PDE4B: variants seen among roughly 807,000 people sequenced by gnomAD.
The protein encoded by PDE4B is phosphodiesterase 4B, also known as 3',5'-cyclic-AMP phosphodiesterase 4B.
PDE4B carries 20 observed loss-of-function variants against 82.2 expected under a neutral mutation model. The observed-to-expected ratio is 0.24, with a 90% CI of 0.17 to 0.35. PDE4B has a LOEUF of 0.35. Ranked by LOEUF, PDE4B falls within the 10% of genes least tolerant of loss-of-function variation. The pLI is 1.00. For missense variants in PDE4B, 655 were observed against 907.2 expected, an observed-to-expected ratio of 0.72 and a Z score of 3.57; for synonymous variants, 320 against 318.9, an observed-to-expected ratio of 1.00 and a Z score of -0.04.
intron 15 of PDE4B, among the ~76,000 whole-genome samples, 182 bp from the exon 16 acceptor site, chr1:66,368,605 T>C (rs1388008464): frequency 6.6e-6 from 1 of 152,224 alleles, no homozygotes; most frequent in Non-Finnish European, 1.5e-5. Flanking sequence ...TCTATAAAAG[T>C]AAATAACTGA....
At chr1:66,304,747 G>C (rs1465959410) in intron 7 of PDE4B, among the ~76,000 whole-genome samples, 2 of 152,084 alleles carry the variant, frequency 1.3e-5, no homozygotes, top group African/African-American at 4.8e-5. Flanking sequence ...GGGACATACA[G>C]GGTTGGAAAA....
At chr1:66,273,662 C>T (rs966330845) in intron 7 of PDE4B, among the ~76,000 whole-genome samples, 3 of 152,244 alleles carry the variant, frequency 2.0e-5, no homozygotes, top group Admixed American at 6.5e-5. Flanking sequence ...AAAAGCATCC[C>T]AAGTTCAAAT....
intron 3 of PDE4B, chr1:65,992,894 C>A: frequency 1.2e-6 from 2 of 1,611,412 alleles, no homozygotes; most frequent in Non-Finnish European, 1.7e-6. Context: ...AAAGCTAGCA[C>A]TCCTTACAAG....
At chr1:66,320,668 G>A (rs1368991066) in intron 7 of PDE4B, among the ~76,000 whole-genome samples, 1 of 152,124 alleles carries the variant, frequency 6.6e-6, no homozygotes. Context: ...CTAGGTAATA[G>A]ATGCTTGATG....
intron 3 of PDE4B, among the ~76,000 whole-genome samples, chr1:66,199,180 C>A (rs1004913282): frequency 1.3e-5 from 2 of 151,670 alleles, no homozygotes; most frequent in Non-Finnish European, 2.9e-5. Flanking sequence ...CCTGAGGAAT[C>A]GCCACACTGA....
At position 66,372,295 on chromosome 1, in the gene PDE4B, C is replaced by T; in HGVS notation, c.1846-18C>T. ...AGCACCATCACAATAACAGATGTGTCATCTTATTTTTCTCCAGGTTGGTTT... is the reference window on the plus strand; with the variant it reads ...AGCACCATCACAATAACAGATGTGTTATCTTATTTTTCTCCAGGTTGGTTT... On this transcript the variant is annotated intron_variant, in intron 16 of 16. Coordinates refer to ENST00000341517, the MANE Select transcript of PDE4B (RefSeq NM_002600.4). 6.3e-7 allele frequency: 1 copy of T among 1,585,488 alleles called. No homozygotes were observed. Among genetic ancestry groups the T allele is most frequent in the Non-Finnish European group, 8.6e-7 (1 of 1,163,504 alleles).
intron 3 of PDE4B, among the ~76,000 whole-genome samples, chr1:66,030,887 C>T (rs1444704675): frequency 1.3e-5 from 2 of 152,166 alleles, no homozygotes; most frequent in African/African-American, 2.4e-5. Flanking sequence ...CATGTTCTCA[C>T]TTATAAGTGG....
In PDE4B at chr1:66,372,587, C is replaced by T. The variant is rs185910614; in HGVS notation, c.2120C>T (p.Thr707Met). The change falls in exon 17 of 17, where the codon ACG becomes ATG. Residue 707 changes from threonine (T) to methionine (M), a missense_variant. Thr to Met is a moderately conservative substitution (Grantham distance 81). This residue lies in a region of PDE4B where 119 missense variants were observed against 115.2 expected (regional missense o/e 1.03). Transcript: ENST00000341517. ...CACAGCTATTTCAGCAGCACAAAGACGCTTTGTGTGATTGATCCAGAAAAC... is the reference window on the plus strand; with the variant it reads ...CACAGCTATTTCAGCAGCACAAAGATGCTTTGTGTGATTGATCCAGAAAAC... Reference protein sequence around the residue: ...EGHSYFSSTKTLCVIDPENRD... With the variant: ...EGHSYFSSTKMLCVIDPENRD... 75 of 1,614,040 alleles carry T rather than the reference C, an allele frequency of 4.6e-5. No homozygotes were observed. The East Asian group carries it at 6.9e-4, about 15-fold the overall frequency.
chr1:65,837,430 C>A (rs1375175879), intron 1 of PDE4B, among the ~76,000 whole-genome samples: 1 of 151,948 alleles, frequency 6.6e-6, no homozygotes, highest in Non-Finnish European at 1.5e-5. Flanking sequence ...GGGCAAAACT[C>A]CATCTATACT....
chr1:65,824,322 A>G (rs1229279699), intron 1 of PDE4B, among the ~76,000 whole-genome samples: 1 of 152,136 alleles, frequency 6.6e-6, no homozygotes, highest in Non-Finnish European at 1.5e-5. Context: ...TGCACAATCA[A>G]CTAACTGTAC....
At chr1:66,294,284 G>A (rs1657336739) in intron 7 of PDE4B, among the ~76,000 whole-genome samples, 1 of 152,100 alleles carries the variant, frequency 6.6e-6, no homozygotes. Flanking sequence ...GCTCAGAGAA[G>A]ATATATCTAG....
At chr1:65,851,480 C>T (rs1167944766) in intron 1 of PDE4B, among the ~76,000 whole-genome samples, 1 of 151,894 alleles carries the variant, frequency 6.6e-6, no homozygotes, top group African/African-American at 2.4e-5. Context: ...TTGTATGTTT[C>T]TCTATTTATT....
rs1472564 is a variant in PDE4B, at chr1:66,091,196, G to A, written c.282-156264G>A. Among the ~76,000 whole-genome samples the A allele has an allele frequency of 3.1e-3, 479 of 152,074 alleles. 2 individuals carry two copies. Among genetic ancestry groups the A allele is most frequent in the African/African-American group, 9.4e-3 (392 of 41,516 alleles). ...TTTAAAAAAAAGTGACCGTAACTTC[G>A]TAATTTTATTTTCCTAGCATCTGTT... On this transcript the variant is annotated intron_variant, in intron 3 of 16. Coordinates refer to ENST00000341517, the MANE Select transcript of PDE4B (RefSeq NM_002600.4).
At chr1:66,230,196 C>A (rs1440823256) in intron 3 of PDE4B, among the ~76,000 whole-genome samples, 1 of 151,992 alleles carries the variant, frequency 6.6e-6, no homozygotes, top group Non-Finnish European at 1.5e-5. Context: ...GTGGAAAGGT[C>A]AAAAATGATA....
intron 3 of PDE4B, among the ~76,000 whole-genome samples, chr1:66,226,003 C>T (rs1651424121): frequency 6.6e-6 from 1 of 152,194 alleles, no homozygotes; most frequent in South Asian, 2.1e-4. Context: ...TGTCATTCTG[C>T]TTCTGTATCT....
At chr1:66,307,301 A>G (rs1658348843) in intron 7 of PDE4B, among the ~76,000 whole-genome samples, 1 of 152,192 alleles carries the variant, frequency 6.6e-6, no homozygotes, top group Admixed American at 6.6e-5. Context: ...TGTAGGTAGA[A>G]GCAATGAAAG....
chr1:66,149,582 G>T (rs1015542594), intron 3 of PDE4B, among the ~76,000 whole-genome samples: 1 of 152,164 alleles, frequency 6.6e-6, no homozygotes, highest in Non-Finnish European at 1.5e-5. Context: ...AGGTTTGGGG[G>T]TGCTGGGGTG....
At chr1:66,222,846 T>C (rs566716438) in intron 3 of PDE4B, among the ~76,000 whole-genome samples, 32 of 152,292 alleles carry the variant, frequency 2.1e-4, no homozygotes, top group Admixed American at 1.8e-3. Flanking sequence ...TTGCAGTCAC[T>C]TATTAGTAAA....
At chr1:65,808,675 A>T (rs1475093572) in intron 1 of PDE4B, among the ~76,000 whole-genome samples, 1 of 152,160 alleles carries the variant, frequency 6.6e-6, no homozygotes, top group African/African-American at 2.4e-5. Flanking sequence ...AAATTTTTGG[A>T]ATTCTGATGT....
Sources: gnomAD v4.1 joint callset for allele counts (sites outside exome capture counted in the v4.1 genomes callset) on GRCh38, gnomAD v4.1.1 for gene constraint, gnomAD v4.1.1 regional missense constraint, MANE v1.5 for transcripts, NCBI Gene and HGNC (gene_info 2026-07-23, HGNC 2026-07-21) for gene names.